VAT1L: variants seen among roughly 807,000 people sequenced by gnomAD.
The protein encoded by VAT1L is putative NADPH-dependent quinone oxidoreductase VAT1L.
VAT1L carries 34 observed loss-of-function variants against 44.1 expected under a neutral mutation model. That is an observed-to-expected ratio of 0.77 (90% CI 0.59 to 1.03). The LOEUF (loss-of-function observed/expected upper bound fraction) is 1.03. Among genes scored for constraint, VAT1L ranks in the 50% least tolerant of loss-of-function variants. The pLI, the probability that VAT1L is intolerant of heterozygous loss-of-function variation, is 0.00. For missense variants in VAT1L, 615 were observed against 538.8 expected (o/e 1.14, Z -1.40); for synonymous variants, 253 against 202.2 (o/e 1.25, Z -2.13).
chr16:77,816,771 T>C (rs1304626543), intron 1 of VAT1L, 150 bp from the exon 2 acceptor site: 8 of 948,258 alleles, frequency 8.4e-6, no homozygotes, highest in African/African-American at 5.1e-5. Flanking sequence ...CTATTAGGGA[T>C]ACTTTGCCAA....
At chr16:77,890,441 A>G (rs2142466361) in intron 7 of VAT1L, among the ~76,000 whole-genome samples, 1 of 152,196 alleles carries the variant, frequency 6.6e-6, no homozygotes, top group Middle Eastern at 3.4e-3. Context: ...TATGGGGCCT[A>G]AGAAGCATGA....
At chr16:77,899,242 C>G (rs964261486) in intron 7 of VAT1L, among the ~76,000 whole-genome samples, 7 of 152,206 alleles carry the variant, frequency 4.6e-5, no homozygotes, top group African/African-American at 1.4e-4. Flanking sequence ...CAAAACTCAA[C>G]TCTCAGACTG....
At chr16:77,972,451 G>C (rs367964265) in intron 8 of VAT1L, among the ~76,000 whole-genome samples, 25 of 152,252 alleles carry the variant, frequency 1.6e-4, no homozygotes, top group African/African-American at 5.5e-4. Flanking sequence ...TTGAGCAGCT[G>C]AGACTACAGG....
chr16:77,812,321 T>C (rs1313737052), intron 1 of VAT1L, among the ~76,000 whole-genome samples: 22 of 152,040 alleles, frequency 1.4e-4, no homozygotes, highest in Non-Finnish European at 2.9e-5. Flanking sequence ...AATCCACCTG[T>C]CTCGGCCTCC....
intron 7 of VAT1L, among the ~76,000 whole-genome samples, chr16:77,932,194 C>T (rs2017739392): frequency 6.7e-6 from 1 of 150,070 alleles, no homozygotes; most frequent in African/African-American, 2.5e-5. Flanking sequence ...AGCTCTGCCT[C>T]CTGGGTTCAG....
chr16:77,823,492 G>A (rs574745824), intron 2 of VAT1L, among the ~76,000 whole-genome samples: 1 of 152,134 alleles, frequency 6.6e-6, no homozygotes, highest in Non-Finnish European at 1.5e-5. Context: ...TGCAAACATG[G>A]CGGGTGCTCA....
chr16:77,813,434 C>T (rs983105964), intron 1 of VAT1L, among the ~76,000 whole-genome samples: 4 of 152,174 alleles, frequency 2.6e-5, no homozygotes, highest in African/African-American at 9.7e-5. Context: ...CTGCTATAAA[C>T]ACATGTGTGA....
At chr16:77,837,314 G>C (rs1210532102) in intron 3 of VAT1L, among the ~76,000 whole-genome samples, 1 of 152,216 alleles carries the variant, frequency 6.6e-6, no homozygotes, top group Non-Finnish European at 1.5e-5. Flanking sequence ...CTACCTTGAT[G>C]TTAACTATCT....
chr16:77,915,293 A>C (rs1469635276), intron 7 of VAT1L, among the ~76,000 whole-genome samples: 2 of 152,232 alleles, frequency 1.3e-5, no homozygotes, highest in East Asian at 3.8e-4. Context: ...TAAATTGTGT[A>C]CTACACATCC....
Position 77,909,047 on chromosome 16 carries a change from T to A in VAT1L, c.1077+24245T>A, listed in dbSNP as rs73564429. Reference sequence around the variant, plus strand: ...CAATGATGATAATAATCAACACACATTGAGCATTGACCATGTACTGGACAC... The same window carrying A: ...CAATGATGATAATAATCAACACACAATGAGCATTGACCATGTACTGGACAC... On this transcript the variant is annotated intron_variant, in intron 7 of 8. Coordinates refer to ENST00000302536, the MANE Select transcript of VAT1L (RefSeq NM_020927.3). 6.5e-3 allele frequency among the ~76,000 whole-genome samples: 985 copies of A among 152,282 alleles called. 8 individuals are homozygous for A. Among genetic ancestry groups the A allele is most frequent in the African/African-American group, 0.022 (933 of 41,558 alleles).
chr16:77,817,842 T>C (rs1244975637), intron 2 of VAT1L, among the ~76,000 whole-genome samples: 1 of 152,088 alleles, frequency 6.6e-6, no homozygotes, highest in Non-Finnish European at 1.5e-5. Flanking sequence ...GAAAAACCAA[T>C]GCAAATCAGG....
intron 7 of VAT1L, among the ~76,000 whole-genome samples, chr16:77,918,735 A>T (rs879784337): frequency 2.6e-5 from 4 of 152,152 alleles, no homozygotes; most frequent in Admixed American, 1.3e-4. Flanking sequence ...TCCCAAGCTG[A>T]TCATTCCTAA....
At chr16:77,975,689 G>A (rs1234879256) in intron 8 of VAT1L, among the ~76,000 whole-genome samples, 1 of 152,224 alleles carries the variant, frequency 6.6e-6, no homozygotes, top group Non-Finnish European at 1.5e-5. Context: ...TAAGAGTGGA[G>A]TCTCTCCTGC....
intron 3 of VAT1L, among the ~76,000 whole-genome samples, chr16:77,857,162 T>C (rs2016867422): frequency 6.6e-6 from 1 of 152,202 alleles, no homozygotes. Context: ...AACAAGCGCA[T>C]GCAAATCGTC....
chr16:77,843,162 G>A (rs2016724014), intron 3 of VAT1L, among the ~76,000 whole-genome samples: 1 of 152,204 alleles, frequency 6.6e-6, no homozygotes, highest in South Asian at 2.1e-4. Context: ...GCAGGTACGG[G>A]TCTACCCATC....
chr16:77,898,609 T>C (rs1126203), intron 7 of VAT1L, among the ~76,000 whole-genome samples: 121,797 of 150,396 alleles, frequency 0.81, 49,441 homozygotes, highest in Middle Eastern at 0.88. Flanking sequence ...TGAGGCTGTG[T>C]GTGCAGGGCT....
rs373078403 is a variant in VAT1L at position 77,825,270 on chromosome 16, G to A, written c.388G>A (p.Val130Ile). Residue 130 changes from valine to isoleucine, a missense_variant, in exon 3 of 9, where the codon GTC becomes ATC. Coordinates refer to ENST00000302536, the MANE Select transcript of VAT1L (RefSeq NM_020927.3). ...YEIGDRVMAF[V>I]NYNAWAEVVC... is the part of the protein sequence containing the mutation. Reference sequence around the variant, plus strand: ...GATTGGAGACCGTGTCATGGCATTTGTCAATTACAATGCCTGGGCAGAGGT... The same window carrying A: ...GATTGGAGACCGTGTCATGGCATTTATCAATTACAATGCCTGGGCAGAGGT... 1 of 1,614,160 alleles carries A rather than the reference G, an allele frequency of 6.2e-7. No individual in the cohort carries two copies. The highest frequency in any genetic ancestry group is 2.2e-5 in the East Asian group (1 of 44,872).
At chr16:77,894,980 G>A (rs2017306913) in intron 7 of VAT1L, among the ~76,000 whole-genome samples, 1 of 151,436 alleles carries the variant, frequency 6.6e-6, no homozygotes, top group Non-Finnish European at 1.5e-5. Context: ...TTGGGCTCCA[G>A]AAGCAATTGC....
intron 7 of VAT1L, among the ~76,000 whole-genome samples, chr16:77,915,476 C>T (rs749347546): frequency 1.2e-4 from 19 of 152,124 alleles, no homozygotes; most frequent in Non-Finnish European, 1.2e-4. Flanking sequence ...AATTAGAGGA[C>T]AAGGCAGTAT....
Sources: gnomAD v4.1 joint callset for allele counts (sites outside exome capture counted in the v4.1 genomes callset) on GRCh38, gnomAD v4.1.1 for gene constraint, MANE v1.5 for transcripts, NCBI Gene and HGNC (gene_info 2026-07-23, HGNC 2026-07-21) for gene names.